Variants in HCN1 observed in about 807,000 individuals in gnomAD.
HCN1 encodes hyperpolarization activated cyclic nucleotide gated potassium channel 1.
In HCN1, 13 loss-of-function variants were observed where a neutral mutation model predicts 78.9. That is an observed-to-expected ratio of 0.16 (90% CI 0.11 to 0.26). The LOEUF (loss-of-function observed/expected upper bound fraction) is 0.26. Ranked by LOEUF, HCN1 falls within the 10% of genes least tolerant of loss-of-function variation. The pLI, the probability that HCN1 is intolerant of heterozygous loss-of-function variation, is 1.00. For missense variants in HCN1, 810 were observed against 1,154.3 expected (o/e 0.70, Z 4.32); for synonymous variants, 552 against 455.5 (o/e 1.21, Z -2.70).
intron 5 of HCN1, among the ~76,000 whole-genome samples, chr5:45,335,093 A>G (rs1323362717): frequency 6.6e-6 from 1 of 152,050 alleles, no homozygotes; most frequent in South Asian, 2.1e-4. Flanking sequence ...ACTGGGACAC[A>G]TGATCTGTAC....
intron 5 of HCN1, among the ~76,000 whole-genome samples, chr5:45,348,652 G>T (rs1257538912): frequency 1.3e-5 from 2 of 152,030 alleles, no homozygotes; most frequent in Admixed American, 6.6e-5. Context: ...CATAACATAG[G>T]CTCAAAATAA....
chr5:45,600,692 T>G (rs1744604105), intron 2 of HCN1, among the ~76,000 whole-genome samples: 2 of 152,120 alleles, frequency 1.3e-5, no homozygotes, highest in Non-Finnish European at 2.9e-5. Flanking sequence ...TTCATAGAGA[T>G]GTTGAACAAA....
intron 2 of HCN1, among the ~76,000 whole-genome samples, chr5:45,524,796 T>C (rs1742696450): frequency 6.6e-6 from 1 of 152,214 alleles, no homozygotes; most frequent in Non-Finnish European, 1.5e-5. Flanking sequence ...AGTCATGTCA[T>C]CTGCAAACAG....
intron 5 of HCN1, among the ~76,000 whole-genome samples, chr5:45,305,873 G>A (rs924212428): frequency 1.3e-5 from 2 of 150,676 alleles, no homozygotes. Context: ...GAGGGAGGGA[G>A]GAAGGAAGGA....
At chr5:45,319,439 T>A (rs1486090235) in intron 5 of HCN1, among the ~76,000 whole-genome samples, 1 of 151,870 alleles carries the variant, frequency 6.6e-6, no homozygotes, top group Non-Finnish European at 1.5e-5. Context: ...TATTGTAGTT[T>A]TAATATGCAT....
intron 1 of HCN1, among the ~76,000 whole-genome samples, chr5:45,666,517 A>G (rs2112068909): frequency 6.6e-6 from 1 of 152,172 alleles, no homozygotes; most frequent in South Asian, 2.1e-4. Context: ...TAGACTGAAG[A>G]AATTACTCTC....
chr5:45,308,909 A>G (rs1745792285), intron 5 of HCN1, among the ~76,000 whole-genome samples: 1 of 152,130 alleles, frequency 6.6e-6, no homozygotes. Flanking sequence ...GAAGAATGTC[A>G]GCGGTAGTTT....
chr5:45,299,397 A>G (rs2111897979), intron 6 of HCN1, among the ~76,000 whole-genome samples: 1 of 152,130 alleles, frequency 6.6e-6, no homozygotes, highest in South Asian at 2.1e-4. Flanking sequence ...ATATATCTAC[A>G]TCAATATCTT....
At chr5:45,289,821 A>G (rs113975016) in intron 6 of HCN1, among the ~76,000 whole-genome samples, 12 of 152,184 alleles carry the variant, frequency 7.9e-5, no homozygotes, top group African/African-American at 2.6e-4. Context: ...TGGAGCCTCA[A>G]AGTTCAAGAT....
intron 2 of HCN1, among the ~76,000 whole-genome samples, chr5:45,549,877 G>A (rs1334320152): frequency 2.6e-5 from 4 of 152,160 alleles, no homozygotes; most frequent in Non-Finnish European, 5.9e-5. Flanking sequence ...CATTTATGCA[G>A]CCAACAGACA....
intron 6 of HCN1, among the ~76,000 whole-genome samples, chr5:45,295,344 T>C (rs1320312702): frequency 6.6e-6 from 1 of 152,010 alleles, no homozygotes; most frequent in Non-Finnish European, 1.5e-5. Context: ...AAATATAAGT[T>C]CCATAAGTAT....
intron 2 of HCN1, among the ~76,000 whole-genome samples, chr5:45,549,701 T>C (rs1398874625): frequency 6.6e-6 from 1 of 151,902 alleles, no homozygotes; most frequent in African/African-American, 2.4e-5. Context: ...ACCATCAGAG[T>C]GAACAGGCAA....
At chr5:45,434,019 G>A (rs1476513368) in intron 3 of HCN1, among the ~76,000 whole-genome samples, 1 of 152,178 alleles carries the variant, frequency 6.6e-6, no homozygotes, top group East Asian at 1.9e-4. Context: ...AGCAAATGGA[G>A]TGGTGTCCCA....
At chr5:45,621,736 C>CA (rs1021508665) in intron 2 of HCN1, among the ~76,000 whole-genome samples, 1 of 151,754 alleles carries the variant, frequency 6.6e-6, no homozygotes, top group African/African-American at 2.4e-5. Flanking sequence ...ACCTTTCACC[C>CA]AAAAAACATA....
At chr5:45,423,039 T>G (rs1429234773) in intron 3 of HCN1, among the ~76,000 whole-genome samples, 1 of 152,130 alleles carries the variant, frequency 6.6e-6, no homozygotes, top group East Asian at 1.9e-4. Context: ...CTAAAAGCTT[T>G]GAGTACAATT....
intron 5 of HCN1, among the ~76,000 whole-genome samples, chr5:45,338,668 C>T (rs192995468): frequency 7.2e-5 from 11 of 152,190 alleles, no homozygotes; most frequent in Admixed American, 3.3e-4. Context: ...TCCTCCTCTC[C>T]CAAGTGAAAC....
chr5:45,347,686 G>C (rs1364207031), intron 5 of HCN1, among the ~76,000 whole-genome samples: 1 of 152,184 alleles, frequency 6.6e-6, no homozygotes, highest in Non-Finnish European at 1.5e-5. Flanking sequence ...TGATGGAGCT[G>C]AAAGCCAAGG....
intron 6 of HCN1, among the ~76,000 whole-genome samples, chr5:45,300,235 A>C (rs7715446): frequency 6.6e-6 from 1 of 152,008 alleles, no homozygotes; most frequent in African/African-American, 2.4e-5. Flanking sequence ...AAACTGACTC[A>C]AAGACTTTTC....
At chr5:45,515,827 CA>C (rs1350229161) in intron 2 of HCN1, among the ~76,000 whole-genome samples, 2 of 151,710 alleles carry the variant, frequency 1.3e-5, no homozygotes, top group African/African-American at 4.8e-5. Flanking sequence ...CTTTGAATTG[CA>C]ACTTAAAAAA....
Sources: gnomAD v4.1 joint callset for allele counts (sites outside exome capture counted in the v4.1 genomes callset) on GRCh38, gnomAD v4.1.1 for gene constraint, MANE v1.5 for transcripts, NCBI Gene and HGNC (gene_info 2026-07-23, HGNC 2026-07-21) for gene names.